The following CATSPER2 variants were observed in gnomAD, a reference collection of about 807,000 sequenced individuals.
The protein encoded by CATSPER2 is cation channel sperm-associated protein 2.
A neutral mutation model predicts 68.8 loss-of-function variants in CATSPER2; 56 were observed. The observed-to-expected ratio is 0.81, with a 90% CI of 0.66 to 1.02. CATSPER2 has a LOEUF of 1.02. Among genes scored for constraint, CATSPER2 ranks in the 50% least tolerant of loss-of-function variants. CATSPER2 has a pLI of 0.00. For missense variants in CATSPER2, 582 were observed against 642.0 expected (o/e 0.91, Z 1.01); for synonymous variants, 198 against 229.9 (o/e 0.86, Z 1.26).
chr15:43,635,718 G>T lies in CATSPER2; in HGVS notation c.1121+9C>A, dbSNP rs1312742514. On this transcript the variant is annotated intron_variant, in intron 9 of 12. Transcript: ENST00000396879. ...AAGGAAAGTTGGGGTTGAAAAGGGA[G>T]AAGCAGACCTCTGGATGATCTGCCG... 1 of 1,610,904 alleles carries T rather than the reference G, an allele frequency of 6.2e-7. No individual in the cohort carries two copies. Among genetic ancestry groups the T allele is most frequent in the Non-Finnish European group, 8.5e-7 (1 of 1,177,652 alleles).
chr15:43,648,097 C>G (rs1434241290), intron 1 of CATSPER2, 34 bp from the exon 2 acceptor site: 11 of 1,611,126 alleles, frequency 6.8e-6, no homozygotes, highest in Non-Finnish European at 9.3e-6. Context: ...AGTGTCATTT[C>G]ATTCTTGGAG....
At chr15:43,645,671 T>C (rs1225545587) in intron 4 of CATSPER2, among the ~76,000 whole-genome samples, 1 of 151,672 alleles carries the variant, frequency 6.6e-6, no homozygotes, top group Non-Finnish European at 1.5e-5. Context: ...CATGCACCTG[T>C]AGTCCAAGCT....
chr15:43,632,399 A>G, intron 11 of CATSPER2, 36 bp from the exon 12 acceptor site: 3 of 1,611,226 alleles, frequency 1.9e-6, no homozygotes, highest in Non-Finnish European at 2.5e-6. Flanking sequence ...GCACGTCTAG[A>G]TTTGTAAAAG....
chr15:43,639,010 T>G lies in CATSPER2; in HGVS notation c.736A>C (p.Met246Leu), dbSNP rs775746705. 1.9e-6 allele frequency: 3 copies of G among 1,612,562 alleles called. No homozygotes were observed. The South Asian group carries it at 3.3e-5, about 18-fold the overall frequency. The change falls in exon 7 of 13, where the codon ATG becomes CTG. Residue 246 changes from methionine to leucine, a missense_variant. Met to Leu is a conservative substitution (Grantham distance 15). This residue lies in a region of CATSPER2 where 91 missense variants were observed against 72.8 expected (regional missense o/e 1.25). Coordinates refer to ENST00000396879, the MANE Select transcript of CATSPER2 (RefSeq NM_172095.4). ...ATGTAGAAGAAGATGAGCAGCAACA[T>G]CAAGAGGAAGGTCATGCTCTAGAGG... The part of the protein sequence containing the change: ...RALKSMTFLL[M>L]LLLIFFYIFA...
Position 43,632,346 on chromosome 15 carries a change from T to C in CATSPER2, c.1414A>G (p.Thr472Ala). ...SESIGRLDWE[T>A]LVHENLPGLM... ...CCGGGCAGATTTTCGTGCACAAGAG[T>C]CTCCCAGTCCAAACGACCTGCAGGG... Residue 472 changes from threonine (T) to alanine (A), a missense_variant, in exon 12 of 13, where the codon ACT becomes GCT. By Grantham distance (58) the Thr-to-Ala change is moderately conservative. Coordinates refer to ENST00000396879, the MANE Select transcript of CATSPER2 (RefSeq NM_172095.4). The C allele has an allele frequency of 1.9e-6, 3 of 1,613,116 alleles. No individual in the cohort carries two copies. Among genetic ancestry groups the C allele is most frequent in the Non-Finnish European group, 2.5e-6 (3 of 1,179,772 alleles).
intron 10 of CATSPER2, chr15:43,634,068 AAC>A (rs2085923653): frequency 6.6e-6 from 1 of 151,942 alleles, no homozygotes; most frequent in Admixed American, 6.6e-5. Context: ...ATCATATTTT[AAC>A]AGATTAATTT....
intron 7 of CATSPER2, 96 bp from the exon 8 acceptor site, chr15:43,636,315 T>C (rs2085963196): frequency 6.6e-7 from 1 of 1,516,422 alleles, no homozygotes; most frequent in Non-Finnish European, 9.1e-7. Context: ...AGCATTTCTT[T>C]GTAGTTTGTT....
chr15:43,648,475 G>A (rs983254496), intron 1 of CATSPER2, among the ~76,000 whole-genome samples, 154 bp downstream of exon 1: 2 of 152,010 alleles, frequency 1.3e-5, no homozygotes, highest in African/African-American at 4.8e-5. Context: ...GGGAGGTCTT[G>A]GCCTGCTCAC....
At chr15:43,641,369 T>C (rs1242077928) in intron 4 of CATSPER2, among the ~76,000 whole-genome samples, 2 of 151,892 alleles carry the variant, frequency 1.3e-5, no homozygotes, top group Admixed American at 6.6e-5. Flanking sequence ...CACCTCAGCC[T>C]CCCAAAGTGC....
In CATSPER2 at chr15:43,647,042, G is replaced by C; in HGVS notation, c.388+8C>G. 6.2e-7 allele frequency: 1 copy of C among 1,609,162 alleles called. No individual in the cohort carries two copies. The highest frequency in any genetic ancestry group is 8.5e-7 in the Non-Finnish European group (1 of 1,175,646). ...TCACTTCCTCTTTCATACAAGGTCAGTTCTCACCTATTTCAACCATCAATA... is the reference window on the plus strand; with the variant it reads ...TCACTTCCTCTTTCATACAAGGTCACTTCTCACCTATTTCAACCATCAATA... On this transcript the variant is annotated splice_region_variant and intron_variant, in intron 4 of 12. Transcript: ENST00000396879.
rs529654967 is a variant in CATSPER2, at chr15:43,648,401, G to T, written c.-3+228C>A. On this transcript the variant is annotated intron_variant, in intron 1 of 12. Coordinates refer to ENST00000396879, the MANE Select transcript of CATSPER2 (RefSeq NM_172095.4). Reference sequence around the variant, plus strand: ...GAGCAGCCACAAGGGCAGGGGCCCGGGGCTGGACAAAGAATCTGGGTCCCA... The same window carrying T: ...GAGCAGCCACAAGGGCAGGGGCCCGTGGCTGGACAAAGAATCTGGGTCCCA... Among the ~76,000 whole-genome samples the T allele has an allele frequency of 2.6e-5, 4 of 152,132 alleles. No individual in the cohort carries two copies. The East Asian group carries it at 7.7e-4, about 29-fold the overall frequency.
At chr15:43,631,379 T>C (rs2085868586) in intron 12 of CATSPER2, 2 of 191,888 alleles carry the variant, frequency 1.0e-5, no homozygotes, top group South Asian at 2.4e-4. Context: ...TACAGGCATG[T>C]GCCACAACGT....
Position 43,635,342 on chromosome 15 carries a change from C to T in CATSPER2, c.1178+18G>A, listed in dbSNP as rs2085943476. 3 of 1,600,840 alleles carry T rather than the reference C, an allele frequency of 1.9e-6. No individual in the cohort carries two copies. The highest frequency in any genetic ancestry group is 1.3e-5 in the African/African-American group (1 of 74,446). ...TCCTTCATGTGTTTCTATCCCAGTT[C>T]ACATACATACTCCTAACCTGTCCTC... On this transcript the variant is annotated intron_variant, in intron 10 of 12. Coordinates refer to ENST00000396879, the MANE Select transcript of CATSPER2 (RefSeq NM_172095.4).
At chr15:43,640,691 A>G (rs980409521) in intron 4 of CATSPER2, among the ~76,000 whole-genome samples, 195 bp from the exon 5 acceptor site, 2 of 151,304 alleles carry the variant, frequency 1.3e-5, no homozygotes, top group African/African-American at 4.9e-5. Flanking sequence ...AGAATTGACC[A>G]TAAAACACAG....
intron 10 of CATSPER2, chr15:43,633,250 C>A: frequency 4.9e-6 from 2 of 407,442 alleles, no homozygotes; most frequent in South Asian, 4.6e-5. Flanking sequence ...GCAGCATAGC[C>A]TCCCAACTGA....
intron 4 of CATSPER2, among the ~76,000 whole-genome samples, chr15:43,641,825 T>A (rs1018630024): frequency 6.6e-6 from 1 of 151,976 alleles, no homozygotes; most frequent in South Asian, 2.1e-4. Flanking sequence ...TCTGGGTAAC[T>A]GGGACCACAG....
At chr15:43,636,307 C>T in intron 7 of CATSPER2, 88 bp from the exon 8 acceptor site, 1 of 1,525,646 alleles carries the variant, frequency 6.6e-7, no homozygotes, top group East Asian at 2.3e-5. Context: ...AAACATAAAG[C>T]ATTTCTTTGT....
rs1345496174 is a variant in CATSPER2 at position 43,644,317 on chromosome 15, T to C, written c.388+2733A>G. On this transcript the variant is annotated intron_variant, in intron 4 of 12. Coordinates refer to ENST00000396879, the MANE Select transcript of CATSPER2 (RefSeq NM_172095.4). ...TCCCTCTGCAAAATCCCTCCTCCCT[T>C]TCTACCACAAGAATAAGCTTAATAA... Among the ~76,000 whole-genome samples the C allele has an allele frequency of 2.0e-5, 3 of 151,988 alleles. 1 individual carries two copies.
chr15:43,639,073 G>A (rs1484643336), intron 6 of CATSPER2, 45 bp from the exon 7 acceptor site: 2 of 1,606,330 alleles, frequency 1.2e-6, no homozygotes, highest in Non-Finnish European at 1.7e-6. Context: ...AAACTAGGCT[G>A]ATCTCCACCA....
Sources: allele counts gnomAD v4.1 joint callset (sites outside exome capture counted in the v4.1 genomes callset), GRCh38; gene constraint gnomAD v4.1.1; regional missense constraint gnomAD v4.1.1; transcripts MANE v1.5; gene names NCBI Gene and HGNC (gene_info 2026-07-23, HGNC 2026-07-21).